Variants in S100Z observed in about 807,000 individuals in gnomAD.
S100Z encodes the protein S100 calcium binding protein Z, also known as protein S100-Z.
In S100Z, 11 loss-of-function variants were observed where a neutral mutation model predicts 8.5. The observed-to-expected ratio is 1.30, with a 90% CI of 0.82 to 2.15. S100Z has a LOEUF of 2.15. S100Z is among the 30% of genes most tolerant of loss of function. The probability of loss-of-function intolerance (pLI) is 0.00; values close to 1 mark genes in which losing one functional copy is unlikely to be tolerated. For missense variants in S100Z, 126 were observed against 117.9 expected (o/e 1.07, Z -0.32); for synonymous variants, 34 against 43.8 (o/e 0.78, Z 0.89).
At chr5:76,855,910 T>C (rs2150619650) in intron 1 of S100Z, among the ~76,000 whole-genome samples, 1 of 152,260 alleles carries the variant, frequency 6.6e-6, no homozygotes, top group Non-Finnish European at 1.5e-5. Flanking sequence ...TGGAAGGTGA[T>C]TGGATCATGG....
Position 76,870,140 on chromosome 5 carries a change from C to T in S100Z, c.-175-26C>T, listed in dbSNP as rs1009189247. On this transcript the variant is annotated intron_variant, in intron 1 of 4. Coordinates refer to ENST00000317593, the MANE Select transcript of S100Z (RefSeq NM_130772.4). ...AGATAAAGTAGAAAACGTAAAAAGA[C>T]GTATTTACTCATTTCTGCTTGCCAG... is the stretch of plus-strand genomic sequence containing the variant. The T allele has an allele frequency of 3.9e-5, 6 of 152,152 alleles. No individual in the cohort carries two copies. The East Asian group carries it at 5.8e-4, about 15-fold the overall frequency. 9.4% of individuals were successfully genotyped at this position (152,152 alleles called of 1,614,324 possible). A position where few individuals can be genotyped will look rare whatever the true frequency, so the allele number is the denominator to read the frequency against.
At position 76,877,676 on chromosome 5, in the gene S100Z, C is replaced by A; in HGVS notation, c.144C>A (p.Cys48Ter). ...LQRELTEFLS[C>*]QKETQLVDKI... The stretch of plus-strand genomic sequence containing the variant: ...AGAAATTTCCTTTCTCATTTTAGTG[C>A]CAAAAGGAAACCCAGTTGGTTGATA... Residue 48 changes from cysteine (C) to a stop codon, truncating the protein, a stop_gained and splice_region_variant, in exon 4 of 5, where the codon TGC becomes TGA. Transcript: ENST00000317593. LOFTEE classifies it high-confidence loss of function. 6.3e-7 allele frequency: 1 copy of A among 1,595,552 alleles called. No individual in the cohort carries two copies. The highest frequency in any genetic ancestry group is 8.6e-7 in the Non-Finnish European group (1 of 1,166,164).
At chr5:76,876,748 A>C (rs370635883) in intron 3 of S100Z, among the ~76,000 whole-genome samples, 7 of 152,182 alleles carry the variant, frequency 4.6e-5, no homozygotes, top group Admixed American at 6.5e-5. Context: ...TTAATCAAGT[A>C]CAATTTATAA....
intron 1 of S100Z, among the ~76,000 whole-genome samples, 180 bp downstream of exon 1, chr5:76,850,335 G>GAGA (rs1561218224): frequency 2.5e-4 from 28 of 111,066 alleles, no homozygotes; most frequent in African/African-American, 6.0e-4. Context: ...GGGGGGTGGG[G>GAGA]GAGAGAGAGA....
chr5:76,851,695 T>C lies in S100Z; in HGVS notation c.-176+1540T>C, dbSNP rs376438706. 3.7e-4 allele frequency among the ~76,000 whole-genome samples: 57 copies of C among 152,306 alleles called. No homozygotes were observed. In the South Asian group the frequency reaches 0.011, roughly 30 times the overall value. ...TGCTGTGGTTTGGAATCTGAGACTC[T>C]GATGTGTTACCTAAGTGGAGATGTC... On this transcript the variant is annotated intron_variant, in intron 1 of 4. Coordinates refer to ENST00000317593, the MANE Select transcript of S100Z (RefSeq NM_130772.4).
chr5:76,857,200 G>A (rs1750906201), intron 1 of S100Z, among the ~76,000 whole-genome samples: 1 of 152,072 alleles, frequency 6.6e-6, no homozygotes, highest in Admixed American at 6.5e-5. Context: ...GCTGAGGCAG[G>A]AGAATCGCTT....
chr5:76,863,237 C>T (rs1274623124), intron 1 of S100Z, among the ~76,000 whole-genome samples: 1 of 152,204 alleles, frequency 6.6e-6, no homozygotes, highest in Admixed American at 6.5e-5. Context: ...GACCTTTGAC[C>T]TCTACTTCAT....
chr5:76,863,754 G>A (rs904517242), intron 1 of S100Z, among the ~76,000 whole-genome samples: 11 of 152,034 alleles, frequency 7.2e-5, no homozygotes, highest in South Asian at 6.2e-4. Context: ...TAGCCAGGAT[G>A]GTCTCGATCT....
At chr5:76,852,893 C>T (rs1256956583) in intron 1 of S100Z, among the ~76,000 whole-genome samples, 1 of 152,206 alleles carries the variant, frequency 6.6e-6, no homozygotes, top group Non-Finnish European at 1.5e-5. Flanking sequence ...CCTATCTTAT[C>T]AGCTGGGCTA....
intron 4 of S100Z, among the ~76,000 whole-genome samples, chr5:76,901,681 T>C (rs968692587): frequency 5.3e-5 from 8 of 152,160 alleles, no homozygotes; most frequent in East Asian, 1.9e-4. Context: ...AGTCCTGGAA[T>C]TGGGGATCCC....
rs1047870283 is a variant in S100Z at position 76,899,186 on chromosome 5, A to G, written c.*2+21352A>G. Among the ~76,000 whole-genome samples, 9 of 151,768 alleles carry G rather than the reference A, an allele frequency of 5.9e-5. 1 individual carries two copies. The highest frequency in any genetic ancestry group is 5.9e-4 in the Admixed American group (9 of 15,224). ...TCACCTCAAGTGATCCACCCACCTC[A>G]GCCTCCCAAAGTGCGGGATTACAGG... is the stretch of plus-strand genomic sequence containing the variant. On this transcript the variant is annotated intron_variant, in intron 4 of 4. Transcript: ENST00000317593.
At chr5:76,887,857 G>C (rs1743703654) in intron 4 of S100Z, among the ~76,000 whole-genome samples, 1 of 152,182 alleles carries the variant, frequency 6.6e-6, no homozygotes, top group Non-Finnish European at 1.5e-5. Flanking sequence ...CCAGTTCTGA[G>C]CAGATAGGAC....
the S100Z span, among the ~76,000 whole-genome samples, chr5:76,933,516 G>A: frequency 3.9e-5 from 6 of 152,170 alleles, no homozygotes; most frequent in African/African-American, 1.4e-4. Flanking sequence ...CTGAATACCA[G>A]AAGGAGCTGT....
chr5:76,909,842 T>G (rs1744587061), intron 4 of S100Z, among the ~76,000 whole-genome samples: 1 of 152,206 alleles, frequency 6.6e-6, no homozygotes, highest in African/African-American at 2.4e-5. Context: ...AAACCTTTGA[T>G]CTCACTTGGA....
chr5:76,912,361 T>A (rs1173974695), intron 4 of S100Z, among the ~76,000 whole-genome samples: 1 of 152,170 alleles, frequency 6.6e-6, no homozygotes, highest in Non-Finnish European at 1.5e-5. Flanking sequence ...CCCGAGATGA[T>A]CTCTTAGAAG....
chr5:76,862,823 A>G (rs1751101907), intron 1 of S100Z, among the ~76,000 whole-genome samples: 1 of 151,678 alleles, frequency 6.6e-6, no homozygotes, highest in Non-Finnish European at 1.5e-5. Context: ...CAACAACAAC[A>G]AAAACCCTGA....
chr5:76,946,305 A>G, the S100Z span, among the ~76,000 whole-genome samples: 34 of 152,146 alleles, frequency 2.2e-4, no homozygotes, highest in African/African-American at 8.2e-4. Context: ...TCATTCAACA[A>G]TCCTTGATAT....
the S100Z span, among the ~76,000 whole-genome samples, chr5:76,950,721 T>C: frequency 2.0e-5 from 3 of 152,180 alleles, no homozygotes; most frequent in Non-Finnish European, 2.9e-5. Flanking sequence ...ACTCTGAGTT[T>C]TCCCAGAACA....
chr5:76,855,529 G>T (rs537320709), intron 1 of S100Z, among the ~76,000 whole-genome samples: 1 of 152,264 alleles, frequency 6.6e-6, no homozygotes, highest in South Asian at 2.1e-4. Context: ...TGCCCTGCTG[G>T]GTTTCAGACT....
Sources: allele counts gnomAD v4.1 joint callset (sites outside exome capture counted in the v4.1 genomes callset), GRCh38; gene constraint gnomAD v4.1.1; transcripts MANE v1.5; gene names NCBI Gene and HGNC (gene_info 2026-07-23, HGNC 2026-07-21).